DGKB: variants seen among roughly 807,000 people sequenced by gnomAD.
The protein encoded by DGKB is diacylglycerol kinase beta.
A neutral mutation model predicts 114.3 loss-of-function variants in DGKB; 67 were observed. The ratio of observed to expected loss-of-function variants is 0.59; its 90% confidence interval spans 0.48 to 0.72. The LOEUF is 0.72. DGKB is among the 30% of genes least tolerant of loss of function. The pLI, the probability that DGKB is intolerant of heterozygous loss-of-function variation, is 0.00. For synonymous variants in DGKB, 398 were observed against 323.1 expected (o/e 1.23, Z -2.49); for missense variants, 907 against 975.2 (o/e 0.93, Z 0.93).
chr7:14,503,592 A>T (rs1459702213), intron 20 of DGKB, among the ~76,000 whole-genome samples: 2 of 152,198 alleles, frequency 1.3e-5, no homozygotes, highest in Non-Finnish European at 2.9e-5. Context: ...AGAAATAAAA[A>T]GGTGGTTTTC....
At chr7:14,441,399 A>G (rs1384595821) in intron 21 of DGKB, among the ~76,000 whole-genome samples, 1 of 152,102 alleles carries the variant, frequency 6.6e-6, no homozygotes, top group Non-Finnish European at 1.5e-5. Flanking sequence ...ATCATTTGTC[A>G]ATTATAGACC....
chr7:14,747,566 C>A (rs535096976), intron 4 of DGKB, among the ~76,000 whole-genome samples: 46 of 152,200 alleles, frequency 3.0e-4, no homozygotes, highest in Non-Finnish European at 5.7e-4. Flanking sequence ...TAGATCATGA[C>A]TTACAAGAAA....
chr7:14,883,251 A>G (rs1854515380), intron 1 of DGKB, among the ~76,000 whole-genome samples: 1 of 151,938 alleles, frequency 6.6e-6, no homozygotes, highest in African/African-American at 2.4e-5. Context: ...GTATACACAT[A>G]TACAATATAT....
intron 19 of DGKB, among the ~76,000 whole-genome samples, chr7:14,580,312 G>T (rs185101505): frequency 1.3e-5 from 2 of 152,252 alleles, no homozygotes; most frequent in East Asian, 3.9e-4. Context: ...CTGTTTACTT[G>T]TTAGTGTAAG....
At chr7:14,768,180 C>T (rs774009176) in intron 2 of DGKB, among the ~76,000 whole-genome samples, 2 of 151,898 alleles carry the variant, frequency 1.3e-5, no homozygotes, top group Non-Finnish European at 2.9e-5. Flanking sequence ...GAGAACAAAA[C>T]TCAGGAATGT....
intron 6 of DGKB, 114 bp from the exon 7 acceptor site, chr7:14,701,844 C>T: frequency 3.0e-6 from 2 of 668,322 alleles, no homozygotes; most frequent in South Asian, 1.8e-5. Context: ...AATTCCTCTC[C>T]TGCTCCAAAC....
At chr7:14,314,101 G>T (rs2128513330) in intron 23 of DGKB, among the ~76,000 whole-genome samples, 1 of 152,198 alleles carries the variant, frequency 6.6e-6, no homozygotes, top group East Asian at 1.9e-4. Flanking sequence ...CTAACAAACA[G>T]AAAGGACATC....
At chr7:14,184,747 G>A (rs1397637882) in intron 23 of DGKB, among the ~76,000 whole-genome samples, 2 of 152,060 alleles carry the variant, frequency 1.3e-5, no homozygotes, top group East Asian at 1.9e-4. Flanking sequence ...CTAGGGCCTC[G>A]CCCACTGCCA....
At chr7:14,302,023 C>T (rs998778118) in intron 23 of DGKB, among the ~76,000 whole-genome samples, 1 of 152,070 alleles carries the variant, frequency 6.6e-6, no homozygotes, top group South Asian at 2.1e-4. Flanking sequence ...CTCTCCATCT[C>T]TGTAATCCTA....
intron 5 of DGKB, among the ~76,000 whole-genome samples, chr7:14,732,852 GT>G (rs2128392587): frequency 6.6e-6 from 1 of 152,218 alleles, no homozygotes; most frequent in Admixed American, 6.5e-5. Flanking sequence ...AGAAAAGGAA[GT>G]TTTAGGTTTG....
At chr7:14,541,618 G>A (rs558392785) in intron 20 of DGKB, among the ~76,000 whole-genome samples, 8 of 152,214 alleles carry the variant, frequency 5.3e-5, no homozygotes, top group African/African-American at 9.6e-5. Flanking sequence ...CCACATAGAA[G>A]CAACCTAATC....
At position 14,192,229 on chromosome 7, in the gene DGKB, C is replaced by CA. The variant is rs545163539; in HGVS notation, c.2123-14079dup. The CA allele has an allele frequency of 1.8e-3, 373 of 205,228 alleles. 2 individuals carry two copies. The highest frequency in any genetic ancestry group is 3.4e-3 in the South Asian group (41 of 12,148). 12.7% of individuals were successfully genotyped at this position (205,228 alleles called of 1,614,324 possible). A position where few individuals can be genotyped will look rare whatever the true frequency, so the allele number is the denominator to read the frequency against. ...ATAAAGAAAACTCTAAAGACTCCAC[C>CA]AAAAACTAGTCAAACTGAAAAACAA... On this transcript the variant is annotated intron_variant, in intron 23 of 25. Transcript: ENST00000402815.
In DGKB at chr7:14,673,061, C is replaced by CT. The variant is rs1274356046; in HGVS notation, c.1036-35dup. The CT allele has an allele frequency of 6.2e-6, 8 of 1,297,698 alleles. No homozygotes were observed. In the East Asian group the frequency reaches 7.5e-5, roughly 12 times the overall value. The allele number at this position is 1,297,698 out of a possible 1,614,324, so 80.4% of individuals were successfully genotyped here. Reference sequence around the variant, plus strand: ...ACAGAAAGGGGGATAGTATCAAATTCTACATGACAACGCCTAACATGGGGG... The same window carrying CT: ...ACAGAAAGGGGGATAGTATCAAATTCTTACATGACAACGCCTAACATGGGGG... On this transcript the variant is annotated intron_variant, in intron 12 of 25. Transcript: ENST00000402815.
At chr7:14,162,352 C>T (rs771662539) in intron 25 of DGKB, among the ~76,000 whole-genome samples, 15 of 152,104 alleles carry the variant, frequency 9.9e-5, no homozygotes, top group East Asian at 7.7e-4. Context: ...TATTCAGTTT[C>T]GAACTGGATG....
At chr7:14,635,209 T>C (rs1001844010) in intron 13 of DGKB, among the ~76,000 whole-genome samples, 2 of 141,424 alleles carry the variant, frequency 1.4e-5, no homozygotes, top group African/African-American at 5.8e-5. Context: ...ACCCTTCAAC[T>C]GTAATTGCTC....
chr7:14,418,909 C>G (rs1826225215), intron 21 of DGKB, among the ~76,000 whole-genome samples: 1 of 151,832 alleles, frequency 6.6e-6, no homozygotes, highest in Non-Finnish European at 1.5e-5. Flanking sequence ...TTAACTGAAT[C>G]TGAAATCAGG....
intron 21 of DGKB, among the ~76,000 whole-genome samples, chr7:14,472,205 T>G (rs1781520758): frequency 6.6e-6 from 1 of 152,214 alleles, no homozygotes. Context: ...CCACCAAATC[T>G]CATCTTGAAT....
chr7:14,463,633 C>A (rs1345661627), intron 21 of DGKB, among the ~76,000 whole-genome samples: 2 of 152,132 alleles, frequency 1.3e-5, no homozygotes, highest in Non-Finnish European at 2.9e-5. Flanking sequence ...CTACCCTGAG[C>A]AAAAGAAGTC....
chr7:14,670,535 C>T (rs991680440), intron 13 of DGKB, among the ~76,000 whole-genome samples: 1 of 151,940 alleles, frequency 6.6e-6, no homozygotes, highest in African/African-American at 2.4e-5. Context: ...GAACTCCTGA[C>T]CTCAAGTGAT....
Sources: gnomAD v4.1 joint callset for allele counts (sites outside exome capture counted in the v4.1 genomes callset) on GRCh38, gnomAD v4.1.1 for gene constraint, MANE v1.5 for transcripts, NCBI Gene and HGNC (gene_info 2026-07-23, HGNC 2026-07-21) for gene names.